The following BNC2 variants were observed in gnomAD, a reference collection of about 807,000 sequenced individuals.
BNC2 encodes the protein zinc finger protein basonuclin-2.
Under a neutral mutation model 76.3 loss-of-function variants are expected in BNC2, and 20 were observed. The observed-to-expected ratio is 0.26, with a 90% CI of 0.18 to 0.38. The LOEUF (loss-of-function observed/expected upper bound fraction) is 0.38. Ranked by LOEUF, BNC2 falls within the 10% of genes least tolerant of loss-of-function variation. The pLI, the probability that BNC2 is intolerant of heterozygous loss-of-function variation, is 1.00. For synonymous variants in BNC2, 582 were observed against 514.8 expected, an observed-to-expected ratio of 1.13 and a Z score of -1.77; for missense variants, 1,382 against 1,399.8, an observed-to-expected ratio of 0.99 and a Z score of 0.20.
chr9:16,673,376 G>A (rs1291542027), intron 3 of BNC2, among the ~76,000 whole-genome samples: 2 of 148,408 alleles, frequency 1.3e-5, no homozygotes, highest in Non-Finnish European at 3.0e-5. Context: ...TTCTTCTAGG[G>A]TGAGTAGATG....
chr9:16,573,189 T>C (rs1416161650), intron 4 of BNC2, among the ~76,000 whole-genome samples: 1 of 147,170 alleles, frequency 6.8e-6, no homozygotes, highest in African/African-American at 2.5e-5. Flanking sequence ...CATTGCACCA[T>C]TGCATCTGGG....
At chr9:16,557,355 C>T (rs576524507) in intron 4 of BNC2, among the ~76,000 whole-genome samples, 2 of 151,758 alleles carry the variant, frequency 1.3e-5, no homozygotes, top group Admixed American at 1.3e-4. Context: ...AAAAATAAGC[C>T]GGGCATGGTG....
chr9:16,740,004 A>T (rs1824794878), intron 1 of BNC2, among the ~76,000 whole-genome samples: 1 of 152,176 alleles, frequency 6.6e-6, no homozygotes, highest in Non-Finnish European at 1.5e-5. Context: ...ATCTACACAG[A>T]CCTGAAACAA....
intron 1 of BNC2, among the ~76,000 whole-genome samples, chr9:16,844,505 T>C (rs1818915748): frequency 6.8e-6 from 1 of 146,674 alleles, no homozygotes. Flanking sequence ...TTTTTTTTTT[T>C]TTTTTTTTTT....
intron 3 of BNC2, among the ~76,000 whole-genome samples, chr9:16,721,814 G>T (rs1824165177): frequency 6.6e-6 from 1 of 151,978 alleles, no homozygotes; most frequent in East Asian, 1.9e-4. Context: ...GCACTCTGGG[G>T]GGAAAAAGGA....
chr9:16,522,690 C>T (rs1817656850), intron 5 of BNC2, among the ~76,000 whole-genome samples: 1 of 152,112 alleles, frequency 6.6e-6, no homozygotes, highest in Non-Finnish European at 1.5e-5. Context: ...AAGCACAACA[C>T]TTATTCCCCC....
At chr9:16,787,766 GTCTTGAACT>G (rs1282939358) in intron 1 of BNC2, among the ~76,000 whole-genome samples, 1 of 152,104 alleles carries the variant, frequency 6.6e-6, no homozygotes, top group East Asian at 1.9e-4. Flanking sequence ...GCCCGGGCTG[GTCTTGAACT>G]TCTTGCTTCA....
chr9:16,565,707 C>G (rs963981400), intron 4 of BNC2, among the ~76,000 whole-genome samples: 1 of 151,630 alleles, frequency 6.6e-6, no homozygotes, highest in Non-Finnish European at 1.5e-5. Context: ...CCTTGGGAGG[C>G]TGAGATGGGA....
chr9:16,492,890 CT>C (rs993917139), intron 5 of BNC2, among the ~76,000 whole-genome samples: 1 of 152,014 alleles, frequency 6.6e-6, no homozygotes, highest in Non-Finnish European at 1.5e-5. Context: ...CTTAAGTCAA[CT>C]TAACATGTAG....
At chr9:16,791,179 A>C (rs1817495962) in intron 1 of BNC2, among the ~76,000 whole-genome samples, 1 of 152,004 alleles carries the variant, frequency 6.6e-6, no homozygotes. Context: ...CTCCTGCCTC[A>C]GCCTCCCGAG....
At chr9:16,687,865 G>A (rs552740118) in intron 3 of BNC2, among the ~76,000 whole-genome samples, 1 of 152,130 alleles carries the variant, frequency 6.6e-6, no homozygotes, top group Non-Finnish European at 1.5e-5. Flanking sequence ...TACAACTTGA[G>A]ACACTTAGAA....
chr9:16,731,408 C>G (rs1824500088), intron 2 of BNC2, among the ~76,000 whole-genome samples: 1 of 152,122 alleles, frequency 6.6e-6, no homozygotes, highest in Non-Finnish European at 1.5e-5. Context: ...TTCACTGCAT[C>G]CAAGTTAAAG....
chr9:16,565,852 C>A (rs937621557), intron 4 of BNC2, among the ~76,000 whole-genome samples: 5 of 150,564 alleles, frequency 3.3e-5, no homozygotes, highest in African/African-American at 1.2e-4. Context: ...CATTAACACA[C>A]AAAATTACAA....
At chr9:16,445,082 C>G (rs1041528828) in intron 5 of BNC2, among the ~76,000 whole-genome samples, 6 of 151,886 alleles carry the variant, frequency 4.0e-5, no homozygotes, top group Non-Finnish European at 7.4e-5. Context: ...ATAAAAATGG[C>G]CACACAAAAA....
At position 16,786,687 on chromosome 9, in the gene BNC2, G is replaced by T. The variant is rs540013064; in HGVS notation, c.4-48202C>A. The stretch of plus-strand genomic sequence containing the variant: ...TAGCTCTGAACCCCAACTGCAGAAA[G>T]GGGGAGAGGCCCTGCCCCAAATGTG... On this transcript the variant is annotated intron_variant, in intron 1 of 6. Transcript: ENST00000380672. 5.9e-5 allele frequency among the ~76,000 whole-genome samples: 9 copies of T among 152,244 alleles called. No homozygotes were observed. In the East Asian group the frequency reaches 1.4e-3, roughly 23 times the overall value.
In BNC2 at chr9:16,788,552, CAAAAAA is replaced by C. The variant is rs397960619; in HGVS notation, c.4-50073_4-50068del. Reference sequence around the variant, plus strand: ...TGGGCGACAGAGCAACACTCCTTCTCAAAAAAAAAAAAAAAAAAGAGGTCATTCCTT... The same window carrying C: ...TGGGCGACAGAGCAACACTCCTTCTCAAAAAAAAAAAAGAGGTCATTCCTT... On this transcript the variant is annotated intron_variant, in intron 1 of 6. Coordinates refer to ENST00000380672, the MANE Select transcript of BNC2 (RefSeq NM_017637.6). Among the ~76,000 whole-genome samples the C allele has an allele frequency of 2.4e-3, 191 of 80,452 alleles. 3 individuals carry two copies. Among genetic ancestry groups the C allele is most frequent in the African/African-American group, 7.5e-3 (168 of 22,328 alleles). 52.8% of individuals were successfully genotyped at this position (80,452 alleles called of 152,430 possible).
chr9:16,465,836 C>T (rs1821694449), intron 5 of BNC2, among the ~76,000 whole-genome samples: 1 of 151,858 alleles, frequency 6.6e-6, no homozygotes, highest in Admixed American at 6.6e-5. Flanking sequence ...CCAGGGCATT[C>T]AGGCAGGAGA....
intron 3 of BNC2, among the ~76,000 whole-genome samples, chr9:16,652,070 A>G (rs888964442): frequency 6.6e-6 from 1 of 152,170 alleles, no homozygotes; most frequent in African/African-American, 2.4e-5. Flanking sequence ...GATATATCCT[A>G]AATAGTTTGC....
chr9:16,708,605 G>A (rs890945637), intron 3 of BNC2, among the ~76,000 whole-genome samples: 1 of 152,026 alleles, frequency 6.6e-6, no homozygotes, highest in Non-Finnish European at 1.5e-5. Flanking sequence ...TGGTGTGGGA[G>A]GAAAACCAGA....
Sources: allele counts gnomAD v4.1 joint callset (sites outside exome capture counted in the v4.1 genomes callset), GRCh38; gene constraint gnomAD v4.1.1; transcripts MANE v1.5; gene names NCBI Gene and HGNC (gene_info 2026-07-23, HGNC 2026-07-21).